CAMK1D: variants seen among roughly 807,000 people sequenced by gnomAD.
CAMK1D encodes the protein calcium/calmodulin-dependent protein kinase type 1D.
Under a neutral mutation model 47.7 loss-of-function variants are expected in CAMK1D, and 9 were observed. The observed-to-expected ratio is 0.19, with a 90% CI of 0.11 to 0.33. CAMK1D has a LOEUF of 0.33. Among genes scored for constraint, CAMK1D ranks in the 10% least tolerant of loss-of-function variants. CAMK1D has a pLI of 1.00. For missense variants in CAMK1D, 291 were observed against 488.7 expected (o/e 0.60, Z 3.81); for synonymous variants, 184 against 184.9 (o/e 0.99, Z 0.04).
At chr10:12,656,319 C>T (rs560609360) in intron 2 of CAMK1D, among the ~76,000 whole-genome samples, 2 of 152,178 alleles carry the variant, frequency 1.3e-5, no homozygotes, top group East Asian at 3.9e-4. Context: ...GGTGAAATCC[C>T]ATCTCTACAA....
chr10:12,439,007 T>G (rs1188058459), intron 1 of CAMK1D, among the ~76,000 whole-genome samples: 2 of 152,198 alleles, frequency 1.3e-5, no homozygotes, highest in Non-Finnish European at 2.9e-5. Context: ...TGCAGGCTCT[T>G]TCCTGTCTCT....
chr10:12,830,122 C>T lies in CAMK1D; in HGVS notation c.*1235C>T, dbSNP rs558697139. 1 of 152,290 alleles carries T rather than the reference C, an allele frequency of 6.6e-6. No homozygotes were observed. The highest frequency in any genetic ancestry group is 2.1e-4 in the South Asian group (1 of 4,806). The allele number at this position is 152,290 out of a possible 1,614,324, so 9.4% of individuals were successfully genotyped here. A position where few individuals can be genotyped will look rare whatever the true frequency, so the allele number is the denominator to read the frequency against. ...TTGCTGAAAGTGGGCCCACACACAA[C>T]CCTCATTTCTCACGAGAGCTAACAG... On this transcript the variant is annotated 3_prime_UTR_variant, in exon 11 of 11. Coordinates refer to ENST00000619168, the MANE Select transcript of CAMK1D (RefSeq NM_153498.4).
chr10:12,811,529 T>G (rs1832605748), intron 6 of CAMK1D, among the ~76,000 whole-genome samples: 1 of 152,208 alleles, frequency 6.6e-6, no homozygotes. Flanking sequence ...ATCCATGTCC[T>G]TTTCCTGTGT....
intron 1 of CAMK1D, among the ~76,000 whole-genome samples, chr10:12,468,829 G>T (rs910561863): frequency 6.6e-6 from 1 of 152,166 alleles, no homozygotes; most frequent in Non-Finnish European, 1.5e-5. Flanking sequence ...AGAAGAATTA[G>T]CCTCTGTCTT....
At chr10:12,639,935 T>C (rs1839621624) in intron 2 of CAMK1D, among the ~76,000 whole-genome samples, 1 of 152,230 alleles carries the variant, frequency 6.6e-6, no homozygotes, top group Non-Finnish European at 1.5e-5. Context: ...ATGGAAACTC[T>C]TGTAGCTCTG....
At position 12,607,925 on chromosome 10, in the gene CAMK1D, C is replaced by T. The variant is rs147568076; in HGVS notation, c.224+54569C>T. ...GCAGTGAGCTGTGATCACATTACTG[C>T]GCTCCAGCCTAGGTGACAGAGGGAG... On this transcript the variant is annotated intron_variant, in intron 2 of 10. Coordinates refer to ENST00000619168, the MANE Select transcript of CAMK1D (RefSeq NM_153498.4). Among the ~76,000 whole-genome samples, 306 of 151,948 alleles carry T rather than the reference C, an allele frequency of 2.0e-3. 1 individual carries two copies. Among genetic ancestry groups the T allele is most frequent in the African/African-American group, 7.1e-3 (292 of 41,408 alleles).
At chr10:12,425,542 A>G (rs980999865) in intron 1 of CAMK1D, among the ~76,000 whole-genome samples, 1 of 151,976 alleles carries the variant, frequency 6.6e-6, no homozygotes, top group African/African-American at 2.4e-5. Context: ...TCGGCCTCCC[A>G]ACGTGCTGGG....
intron 1 of CAMK1D, among the ~76,000 whole-genome samples, chr10:12,525,272 C>T (rs1200518796): frequency 2.0e-5 from 3 of 152,164 alleles, no homozygotes; most frequent in Non-Finnish European, 4.4e-5. Context: ...ATGTCTTTCG[C>T]CATACATGGG....
At chr10:12,784,477 C>T (rs139238556) in intron 5 of CAMK1D, among the ~76,000 whole-genome samples, 4 of 152,148 alleles carry the variant, frequency 2.6e-5, no homozygotes, top group East Asian at 1.9e-4. Flanking sequence ...GGATTACAGG[C>T]GTGAGCCACC....
At chr10:12,521,522 G>A (rs1228536045) in intron 1 of CAMK1D, among the ~76,000 whole-genome samples, 4 of 152,070 alleles carry the variant, frequency 2.6e-5, no homozygotes, top group Admixed American at 6.6e-5. Flanking sequence ...TATATATGTA[G>A]TATATCTTGT....
intron 3 of CAMK1D, among the ~76,000 whole-genome samples, chr10:12,672,010 G>A (rs986092531): frequency 3.3e-5 from 5 of 149,504 alleles, no homozygotes; most frequent in Non-Finnish European, 5.9e-5. Context: ...GTGCCTCTCC[G>A]GTTCATGCCA....
intron 1 of CAMK1D, among the ~76,000 whole-genome samples, chr10:12,526,001 G>A (rs1024397154): frequency 1.3e-5 from 2 of 152,124 alleles, no homozygotes; most frequent in African/African-American, 2.4e-5. Context: ...CCAGTGATCC[G>A]CCTGCTGTGG....
rs1349117101 is a variant in CAMK1D at position 12,787,133 on chromosome 10, AAGAAGAAGAAG to A, written c.566-4023_566-4013del. Among the ~76,000 whole-genome samples the A allele has an allele frequency of 0.015, 3 of 202 alleles. No individual in the cohort carries two copies. In the Admixed American group the frequency reaches 0.15, roughly 10 times the overall value. 0.1% of individuals were successfully genotyped at this position (202 alleles called of 152,430 possible). On this transcript the variant is annotated intron_variant, in intron 5 of 10. Coordinates refer to ENST00000619168, the MANE Select transcript of CAMK1D (RefSeq NM_153498.4). ...ATGAGATTCCTTCTCAAAGAAAAAAAAGAAGAAGAAGAAGAAGAAGAAGAAGAATCTAAACA... is the reference window on the plus strand; with the variant it reads ...ATGAGATTCCTTCTCAAAGAAAAAAAAAGAAGAAGAAGAAGAATCTAAACA...
chr10:12,544,673 A>T (rs1473924758), intron 1 of CAMK1D, among the ~76,000 whole-genome samples: 1 of 152,254 alleles, frequency 6.6e-6, no homozygotes, highest in African/African-American at 2.4e-5. Context: ...CATATTACGG[A>T]GGAGAAAAGA....
intron 1 of CAMK1D, among the ~76,000 whole-genome samples, chr10:12,376,075 A>T (rs1838168511): frequency 7.0e-6 from 1 of 143,690 alleles, no homozygotes; most frequent in African/African-American, 2.6e-5. Context: ...AGGCCGGAGG[A>T]TCACTTGAAC....
intron 1 of CAMK1D, among the ~76,000 whole-genome samples, chr10:12,536,951 C>T (rs1046133375): frequency 3.9e-5 from 6 of 152,106 alleles, no homozygotes; most frequent in South Asian, 4.1e-4. Flanking sequence ...CCTCTAGATA[C>T]GTTGTGATAT....
At chr10:12,388,815 G>A (rs374449357) in intron 1 of CAMK1D, among the ~76,000 whole-genome samples, 114 of 152,246 alleles carry the variant, frequency 7.5e-4, no homozygotes, top group African/African-American at 2.6e-3. Context: ...CCATCCCACC[G>A]CTTAGGAAGT....
At chr10:12,571,453 C>CAAAAAAAAAAAA (rs766454210) in intron 2 of CAMK1D, among the ~76,000 whole-genome samples, 1 of 89,732 alleles carries the variant, frequency 1.1e-5, no homozygotes, top group Non-Finnish European at 2.1e-5. Context: ...GACTCCATCA[C>CAAAAAAAAAAAA]AAAAAAAAAA....
chr10:12,743,777 C>G (rs970557304), intron 3 of CAMK1D, among the ~76,000 whole-genome samples: 1 of 152,218 alleles, frequency 6.6e-6, no homozygotes, highest in African/African-American at 2.4e-5. Context: ...AATCTCAGCA[C>G]TTTGGGAGGC....
Sources: gnomAD v4.1 joint callset for allele counts (sites outside exome capture counted in the v4.1 genomes callset) on GRCh38, gnomAD v4.1.1 for gene constraint, MANE v1.5 for transcripts, NCBI Gene and HGNC (gene_info 2026-07-23, HGNC 2026-07-21) for gene names.